The following EXOC2 variants were observed in gnomAD, a reference collection of about 807,000 sequenced individuals.
The protein encoded by EXOC2 is exocyst complex component 2, also known as SEC5-like 1.
A neutral mutation model predicts 131.8 loss-of-function variants in EXOC2; 70 were observed. That is an observed-to-expected ratio of 0.53 (90% CI 0.44 to 0.65). EXOC2 has a LOEUF of 0.65. Among genes scored for constraint, EXOC2 ranks in the 30% least tolerant of loss-of-function variants. EXOC2 has a pLI of 0.00. For synonymous variants in EXOC2, 411 were observed against 398.4 expected, an observed-to-expected ratio of 1.03 and a Z score of -0.38; for missense variants, 923 against 1,108.6, an observed-to-expected ratio of 0.83 and a Z score of 2.38.
At chr6:576,665 A>G in intron 12 of EXOC2, 92 bp downstream of exon 12, 1 of 1,521,566 alleles carries the variant, frequency 6.6e-7, no homozygotes, top group African/African-American at 1.4e-5. Context: ...ACCAGTATCA[A>G]CACAAATTGG....
chr6:503,483 T>C (rs1003165686), intron 23 of EXOC2, among the ~76,000 whole-genome samples: 1 of 152,194 alleles, frequency 6.6e-6, no homozygotes, highest in Non-Finnish European at 1.5e-5. Context: ...TTATTACGCA[T>C]TTGCCCTGAT....
intron 21 of EXOC2, among the ~76,000 whole-genome samples, chr6:553,498 T>C (rs1757258853): frequency 6.6e-6 from 1 of 151,952 alleles, no homozygotes; most frequent in Non-Finnish European, 1.5e-5. Flanking sequence ...CTACTCTGGT[T>C]GAAGAGGCAG....
chr6:583,085 G>GT (rs1185095733), intron 11 of EXOC2, among the ~76,000 whole-genome samples: 1 of 152,154 alleles, frequency 6.6e-6, no homozygotes, highest in Non-Finnish European at 1.5e-5. Context: ...AAAATGAAAT[G>GT]TATGTTTTTG....
chr6:605,085 CAT>C (rs772129562), intron 7 of EXOC2, among the ~76,000 whole-genome samples: 5 of 152,118 alleles, frequency 3.3e-5, no homozygotes, highest in East Asian at 1.9e-4. Flanking sequence ...ATAAAACAAA[CAT>C]GTGCTCAATA....
chr6:505,972 A>G (rs1400831358), intron 23 of EXOC2, among the ~76,000 whole-genome samples: 1 of 152,244 alleles, frequency 6.6e-6, no homozygotes, highest in Non-Finnish European at 1.5e-5. Context: ...GTAGAATTCT[A>G]TAATGCTCAA....
At chr6:585,808 G>A (rs1442760403) in intron 11 of EXOC2, among the ~76,000 whole-genome samples, 2 of 152,168 alleles carry the variant, frequency 1.3e-5, no homozygotes, top group African/African-American at 4.8e-5. Context: ...AATATTTATA[G>A]TCTATCCATT....
At chr6:512,078 A>G (rs1764880042) in intron 23 of EXOC2, among the ~76,000 whole-genome samples, 1 of 152,214 alleles carries the variant, frequency 6.6e-6, no homozygotes, top group Non-Finnish European at 1.5e-5. Context: ...ATATACACAC[A>G]CAGTCTTCTT....
chr6:652,764 C>T (rs1055910648), intron 1 of EXOC2, among the ~76,000 whole-genome samples: 1 of 152,148 alleles, frequency 6.6e-6, no homozygotes, highest in Non-Finnish European at 1.5e-5. Flanking sequence ...ACCCTTAAAG[C>T]AACATTTTGG....
At chr6:606,813 C>G (rs113175294) in intron 7 of EXOC2, among the ~76,000 whole-genome samples, 1 of 152,224 alleles carries the variant, frequency 6.6e-6, no homozygotes, top group Non-Finnish European at 1.5e-5. Flanking sequence ...CTATTCCTTC[C>G]GTCACTCTCC....
At chr6:616,977 A>G (rs1367474877) in intron 6 of EXOC2, among the ~76,000 whole-genome samples, 1 of 152,152 alleles carries the variant, frequency 6.6e-6, no homozygotes, top group African/African-American at 2.4e-5. Context: ...ATACTTTAGG[A>G]ATAAAAATAA....
intron 1 of EXOC2, among the ~76,000 whole-genome samples, chr6:683,698 T>C (rs984178641): frequency 2.0e-5 from 3 of 152,252 alleles, no homozygotes; most frequent in African/African-American, 7.2e-5. Flanking sequence ...TATAATAGCT[T>C]TTCCAATTTC....
intron 1 of EXOC2, among the ~76,000 whole-genome samples, chr6:671,604 T>C (rs1034178065): frequency 6.6e-6 from 1 of 152,192 alleles, no homozygotes; most frequent in Non-Finnish European, 1.5e-5. Context: ...TTTAACATTT[T>C]AACTTCTTTT....
intron 12 of EXOC2, 29 bp from the exon 13 acceptor site, chr6:572,673 A>G: frequency 1.9e-6 from 3 of 1,603,464 alleles, no homozygotes; most frequent in Non-Finnish European, 2.6e-6. Context: ...AAATACTATG[A>G]TTGTACTTCT....
At chr6:522,378 G>T (rs1238953437) in intron 23 of EXOC2, among the ~76,000 whole-genome samples, 2 of 151,630 alleles carry the variant, frequency 1.3e-5, no homozygotes, top group African/African-American at 4.8e-5. Context: ...CGGACTGCAG[G>T]ACAGCGTGTG....
chr6:551,639 G>A (rs1383909744), intron 21 of EXOC2, among the ~76,000 whole-genome samples: 2 of 152,188 alleles, frequency 1.3e-5, no homozygotes, highest in African/African-American at 2.4e-5. Context: ...GAGTGCCTGA[G>A]GATTCAGAGT....
intron 1 of EXOC2, among the ~76,000 whole-genome samples, chr6:664,764 C>T (rs1337286362): frequency 2.0e-5 from 3 of 152,216 alleles, no homozygotes; most frequent in East Asian, 3.8e-4. Flanking sequence ...GGATCCTCGT[C>T]TCTCACCTTA....
intron 2 of EXOC2, among the ~76,000 whole-genome samples, chr6:636,434 C>T (rs1762105200): frequency 6.6e-6 from 1 of 152,174 alleles, no homozygotes; most frequent in Non-Finnish European, 1.5e-5. Context: ...TGGAGAGATG[C>T]CGGTCACAGT....
chr6:503,731 T>C (rs1336508774), intron 23 of EXOC2, among the ~76,000 whole-genome samples: 2 of 152,146 alleles, frequency 1.3e-5, no homozygotes, highest in Non-Finnish European at 2.9e-5. Context: ...GACCAGATAG[T>C]GTCCGTGTCT....
chr6:634,919 C>G (rs1762032292), intron 2 of EXOC2, among the ~76,000 whole-genome samples: 1 of 152,134 alleles, frequency 6.6e-6, no homozygotes, highest in African/African-American at 2.4e-5. Context: ...GCTAACATGT[C>G]AATGTTCACT....
Sources: gnomAD v4.1 joint callset for allele counts (sites outside exome capture counted in the v4.1 genomes callset) on GRCh38, gnomAD v4.1.1 for gene constraint, MANE v1.5 for transcripts, NCBI Gene and HGNC (gene_info 2026-07-23, HGNC 2026-07-21) for gene names.